The following DENND2B variants were observed in gnomAD, a reference collection of about 807,000 sequenced individuals.
The protein encoded by DENND2B is DENN domain-containing protein 2B.
DENND2B carries 32 observed loss-of-function variants against 116.0 expected under a neutral mutation model. The observed-to-expected ratio is 0.28, with a 90% CI of 0.21 to 0.37. DENND2B has a LOEUF of 0.37. Ranked by LOEUF, DENND2B falls within the 10% of genes least tolerant of loss-of-function variation. DENND2B has a pLI of 1.00. For synonymous variants in DENND2B, 588 were observed against 583.9 expected, an observed-to-expected ratio of 1.01 and a Z score of -0.10; for missense variants, 1,276 against 1,477.7, an observed-to-expected ratio of 0.86 and a Z score of 2.24.
rs1555092981 is a variant in DENND2B at position 8,698,166 on chromosome 11, A to AAAAAAAAG, written c.2941-531_2941-530insCTTTTTTT. ...AAAAAAAAAAAAAAAAAAAAAAAAA[A>AAAAAAAAG]GGGGGTAGAGCCAGTGTGGCATTCA... On this transcript the variant is annotated intron_variant, in intron 16 of 19. Transcript: ENST00000313726. 1.3e-3 allele frequency among the ~76,000 whole-genome samples: 163 copies of AAAAAAAAG among 129,408 alleles called. 2 individuals are homozygous for AAAAAAAAG. The highest frequency in any genetic ancestry group is 2.4e-3 in the South Asian group (9 of 3,802). 84.9% of individuals were successfully genotyped at this position (129,408 alleles called of 152,430 possible). A position where few individuals can be genotyped will look rare whatever the true frequency, so the allele number is the denominator to read the frequency against.
intron 1 of DENND2B, among the ~76,000 whole-genome samples, chr11:8,797,910 A>C (rs1318446059): frequency 6.6e-6 from 1 of 152,090 alleles, no homozygotes; most frequent in Non-Finnish European, 1.5e-5. Context: ...TCCTTTCTGC[A>C]TGTCAAGCTC....
intron 1 of DENND2B, among the ~76,000 whole-genome samples, chr11:8,796,529 C>G (rs1261001541): frequency 6.6e-6 from 1 of 152,126 alleles, no homozygotes; most frequent in Non-Finnish European, 1.5e-5. Flanking sequence ...ACAGAGAATC[C>G]ATCTCGAAAA....
chr11:8,794,375 T>A lies in DENND2B; in HGVS notation c.-26+16142A>T, dbSNP rs182866159. Among the ~76,000 whole-genome samples the A allele has an allele frequency of 1.7e-3, 255 of 152,288 alleles. 1 individual carries two copies. The highest frequency in any genetic ancestry group is 5.6e-3 in the African/African-American group (234 of 41,562). The stretch of plus-strand genomic sequence containing the variant: ...GAGCATCCGCAAAATAGACGACAGC[T>A]GTGTGGACCCACCCACGTGGTCCTT... On this transcript the variant is annotated intron_variant, in intron 1 of 19. Coordinates refer to ENST00000313726, the MANE Select transcript of DENND2B (RefSeq NM_213618.2).
chr11:8,861,698 T>C (rs1594280613), intron 2 of DENND2B, among the ~76,000 whole-genome samples: 1 of 152,242 alleles, frequency 6.6e-6, no homozygotes, highest in East Asian at 1.9e-4. Flanking sequence ...ACTCAAAGGA[T>C]GAGTCATTAT....
intron 1 of DENND2B, among the ~76,000 whole-genome samples, chr11:8,769,956 C>A (rs2056572072): frequency 6.6e-6 from 1 of 152,112 alleles, no homozygotes; most frequent in Admixed American, 6.5e-5. Flanking sequence ...CATAGTGAGG[C>A]TCCATCTCTA....
chr11:8,697,198 C>T (rs1265419273), intron 17 of DENND2B, among the ~76,000 whole-genome samples: 1 of 152,260 alleles, frequency 6.6e-6, no homozygotes, highest in African/African-American at 2.4e-5. Context: ...CAGAGCACCA[C>T]TTTCATCATA....
chr11:8,742,175 C>T (rs2050339611), intron 2 of DENND2B, among the ~76,000 whole-genome samples: 1 of 152,220 alleles, frequency 6.6e-6, no homozygotes, highest in Non-Finnish European at 1.5e-5. Flanking sequence ...GCTGGGATTA[C>T]AAGCGTGAGC....
intron 1 of DENND2B, among the ~76,000 whole-genome samples, chr11:8,790,483 T>A (rs1443552630): frequency 6.6e-6 from 1 of 152,266 alleles, no homozygotes; most frequent in Non-Finnish European, 1.5e-5. Flanking sequence ...TAAAAACATT[T>A]CTGGGCCAGG....
At chr11:8,723,228 G>A (rs2046494365) in intron 4 of DENND2B, among the ~76,000 whole-genome samples, 1 of 152,224 alleles carries the variant, frequency 6.6e-6, no homozygotes, top group Admixed American at 6.5e-5. Context: ...CCTTGACTAT[G>A]CTGGGTGCTG....
chr11:8,798,191 C>T (rs1049705087), intron 1 of DENND2B, among the ~76,000 whole-genome samples: 1 of 152,174 alleles, frequency 6.6e-6, no homozygotes, highest in Non-Finnish European at 1.5e-5. Flanking sequence ...AGCTCCATGA[C>T]AACAAGGACT....
chr11:8,725,418 A>G (rs2046931596), intron 4 of DENND2B, among the ~76,000 whole-genome samples: 2 of 148,964 alleles, frequency 1.3e-5, no homozygotes, highest in Non-Finnish European at 3.0e-5. Context: ...CATGTTGCCC[A>G]GGCAGGAGTG....
intron 11 of DENND2B, among the ~76,000 whole-genome samples, chr11:8,710,269 C>T (rs2043363931): frequency 6.6e-6 from 1 of 152,192 alleles, no homozygotes. Flanking sequence ...CTTCTCTTTA[C>T]AAAATGGCTA....
chr11:8,761,257 A>G (rs1197041626), intron 1 of DENND2B, among the ~76,000 whole-genome samples: 1 of 152,202 alleles, frequency 6.6e-6, no homozygotes, highest in African/African-American at 2.4e-5. Context: ...TGTTTCTGCC[A>G]TTCTGGAAAC....
intron 3 of DENND2B, among the ~76,000 whole-genome samples, chr11:8,855,809 G>A (rs140738026): frequency 3.2e-4 from 49 of 152,236 alleles, no homozygotes; most frequent in African/African-American, 4.3e-4. Context: ...GGGAGAAGGT[G>A]TAAAGGGCAA....
At chr11:8,706,086 A>G (rs1183695828) in intron 13 of DENND2B, among the ~76,000 whole-genome samples, 1 of 152,126 alleles carries the variant, frequency 6.6e-6, no homozygotes, top group Non-Finnish European at 1.5e-5. Flanking sequence ...CTCTATAGAA[A>G]ATACAAAAGT....
At chr11:8,788,890 T>TA (rs768655386) in intron 1 of DENND2B, among the ~76,000 whole-genome samples, 68 of 152,228 alleles carry the variant, frequency 4.5e-4, no homozygotes, top group Non-Finnish European at 8.2e-4. Flanking sequence ...TCCTAGAGTA[T>TA]ATCAGCCACC....
In DENND2B at chr11:8,699,225, C is replaced by T; in HGVS notation, c.2886G>A (p.Leu962=). ...LSSSLPKLKE[L]PVEEALMVNL... Reference sequence around the variant, plus strand: ...CCCGGTGGCCCACCTCCTCCACAGGCAGCTCCTTCAGTTTGGGGAGGGAGC... The same window carrying T: ...CCCGGTGGCCCACCTCCTCCACAGGTAGCTCCTTCAGTTTGGGGAGGGAGC... The change falls in exon 15 of 20, where the codon CTG becomes CTA. Residue 962 remains leucine, a synonymous_variant. Coordinates refer to ENST00000313726, the MANE Select transcript of DENND2B (RefSeq NM_213618.2). 4 of 1,567,890 alleles carry T rather than the reference C, an allele frequency of 2.6e-6. No individual in the cohort carries two copies. The highest frequency in any genetic ancestry group is 3.4e-6 in the Non-Finnish European group (4 of 1,162,228).
chr11:8,821,754 T>C (rs2061776211), intron 4 of DENND2B, among the ~76,000 whole-genome samples: 1 of 152,242 alleles, frequency 6.6e-6, no homozygotes, highest in African/African-American at 2.4e-5. Context: ...TTTTACTAAA[T>C]TCTACATATT....
intron 10 of DENND2B, 48 bp from the exon 11 acceptor site, chr11:8,710,962 G>A (rs1200131882): frequency 6.2e-7 from 1 of 1,607,472 alleles, no homozygotes; most frequent in Non-Finnish European, 8.5e-7. Context: ...GAGGACCTAG[G>A]AAACAGCCCC....
Sources: allele counts gnomAD v4.1 joint callset (sites outside exome capture counted in the v4.1 genomes callset), GRCh38; gene constraint gnomAD v4.1.1; transcripts MANE v1.5; gene names NCBI Gene and HGNC (gene_info 2026-07-23, HGNC 2026-07-21).